Variants in AGPAT4 observed in about 807,000 individuals in gnomAD.
The protein encoded by AGPAT4 is 1-acyl-sn-glycerol-3-phosphate acyltransferase delta.
Under a neutral mutation model 48.0 loss-of-function variants are expected in AGPAT4, and 15 were observed. The ratio of observed to expected loss-of-function variants is 0.31; its 90% confidence interval spans 0.21 to 0.48. The LOEUF is 0.48. AGPAT4 is among the 20% of genes least tolerant of loss of function. The probability of loss-of-function intolerance (pLI) is 0.99; values close to 1 mark genes in which losing one functional copy is unlikely to be tolerated. For missense variants in AGPAT4, 314 were observed against 482.5 expected (o/e 0.65, Z 3.27); for synonymous variants, 178 against 198.7 (o/e 0.90, Z 0.88).
At chr6:161,194,568 GTGTATGTGTGTATATATGTGTA>G (rs1273607544) in intron 2 of AGPAT4, among the ~76,000 whole-genome samples, 1 of 148,746 alleles carries the variant, frequency 6.7e-6, no homozygotes, top group African/African-American at 2.6e-5. Context: ...ATGTGTGTAT[GTGTATGTGTGTATATATGTGTA>G]TGTATGTATG....
rs1356822801 is a variant in AGPAT4, at chr6:161,147,045, TG to T, written c.768-447del. ...AGCCAAGTAACCAACTTACTGGTAA[TG>T]GCAGATTATCTCCCATCAAATGATT... On this transcript the variant is annotated intron_variant, in intron 6 of 8. Transcript: ENST00000320285. This position sits in a 1 kb window ranked among gnomAD's most constrained non-coding sequence, Gnocchi z 4.8. 6.6e-6 allele frequency among the ~76,000 whole-genome samples: 1 copy of T among 152,258 alleles called. No individual in the cohort carries two copies. The highest frequency in any genetic ancestry group is 1.5e-5 in the Non-Finnish European group (1 of 68,052).
At chr6:161,230,753 A>G (rs1205564617) in intron 2 of AGPAT4, among the ~76,000 whole-genome samples, 1 of 152,250 alleles carries the variant, frequency 6.6e-6, no homozygotes, top group African/African-American at 2.4e-5. Flanking sequence ...CAAATAGACT[A>G]AAGTTGCTGT....
In AGPAT4 at chr6:161,233,876, C is replaced by A. The variant is rs553946801; in HGVS notation, c.-89-1574G>T. Among the ~76,000 whole-genome samples the A allele has an allele frequency of 1.6e-3, 244 of 152,316 alleles. No individual in the cohort carries two copies. The highest frequency in any genetic ancestry group is 5.6e-3 in the African/African-American group (232 of 41,560). On this transcript the variant is annotated intron_variant, in intron 1 of 8. Coordinates refer to ENST00000320285, the MANE Select transcript of AGPAT4 (RefSeq NM_020133.3). This position sits in a 1 kb window ranked among gnomAD's most constrained non-coding sequence, Gnocchi z 5.4. Reference sequence around the variant, plus strand: ...TCACACATGTGATCTCATTTTAAGGCTCCTATGAATCCCACAAGACGAGTA... The same window carrying A: ...TCACACATGTGATCTCATTTTAAGGATCCTATGAATCCCACAAGACGAGTA...
rs574427511 is a variant in AGPAT4 at position 161,178,303 on chromosome 6, C to T, written c.179-11886G>A. On this transcript the variant is annotated intron_variant, in intron 2 of 8. Coordinates refer to ENST00000320285, the MANE Select transcript of AGPAT4 (RefSeq NM_020133.3). This position sits in a 1 kb window ranked among gnomAD's most constrained non-coding sequence, Gnocchi z 5.1. ...CCACCCAATTCAAGCTTCCCAGCCA[C>T]TTTGTTTACCTACTCAAGCCTCAGC... Among the ~76,000 whole-genome samples, 101 of 152,344 alleles carry T rather than the reference C, an allele frequency of 6.6e-4. No individual in the cohort carries two copies. Among genetic ancestry groups the T allele is most frequent in the Middle Eastern group, 6.8e-3 (2 of 294 alleles).
At chr6:161,152,221 T>C (rs1779610497) in intron 5 of AGPAT4, among the ~76,000 whole-genome samples, 1 of 151,328 alleles carries the variant, frequency 6.6e-6, no homozygotes, top group South Asian at 2.1e-4. Context: ...AGAAGAGGGA[T>C]GAGGAAGCAA....
rs763484834 is a variant in AGPAT4, at chr6:161,214,917, C to T, written c.178+17119G>A. Among the ~76,000 whole-genome samples the T allele has an allele frequency of 2.0e-5, 3 of 152,158 alleles. No homozygotes were observed. The highest frequency in any genetic ancestry group is 2.9e-5 in the Non-Finnish European group (2 of 68,022). On this transcript the variant is annotated intron_variant, in intron 2 of 8. Coordinates refer to ENST00000320285, the MANE Select transcript of AGPAT4 (RefSeq NM_020133.3). This position sits in a 1 kb window ranked among gnomAD's most constrained non-coding sequence, Gnocchi z 5.4. ...CGTGACTATATTTCAAAACTATCTA[C>T]GTTGACCTCCAAACCTGTTCTGCTG...
intron 7 of AGPAT4, among the ~76,000 whole-genome samples, chr6:161,145,653 T>A (rs79213545): frequency 0.023 from 3,416 of 151,706 alleles, 79 homozygotes; most frequent in Non-Finnish European, 0.035. Flanking sequence ...AGGGTTAAAG[T>A]TCTTATTCAG....
chr6:161,186,013 C>A (rs1455067608), intron 2 of AGPAT4, among the ~76,000 whole-genome samples: 1 of 152,190 alleles, frequency 6.6e-6, no homozygotes, highest in African/African-American at 2.4e-5. Flanking sequence ...CCTTTGCTTA[C>A]TGCATGGAGT....
chr6:161,188,090 A>G (rs764102139), intron 2 of AGPAT4, among the ~76,000 whole-genome samples: 12 of 152,330 alleles, frequency 7.9e-5, no homozygotes, highest in African/African-American at 2.9e-4. Context: ...TATATAATAA[A>G]ATGCTATATA....
Position 161,251,841 on chromosome 6 carries a change from A to G in AGPAT4, c.-89-19539T>C, listed in dbSNP as rs1782813025. 6.6e-6 allele frequency among the ~76,000 whole-genome samples: 1 copy of G among 152,240 alleles called. No homozygotes were observed. The highest frequency in any genetic ancestry group is 2.1e-4 in the South Asian group (1 of 4,834). ...AGGAACAAAAGCAGAGAGGGGGAGC[A>G]GCCATTTAGATTCTTCTAAAGGGAT... On this transcript the variant is annotated intron_variant, in intron 1 of 8. Coordinates refer to ENST00000320285, the MANE Select transcript of AGPAT4 (RefSeq NM_020133.3). This position sits in a 1 kb window ranked among gnomAD's most constrained non-coding sequence, Gnocchi z 4.6.
intron 1 of AGPAT4, among the ~76,000 whole-genome samples, chr6:161,269,219 G>C (rs1275020250): frequency 6.6e-6 from 1 of 152,154 alleles, no homozygotes; most frequent in African/African-American, 2.4e-5. Flanking sequence ...CTTTCAGAAA[G>C]AGAATACACA....
chr6:161,139,407 T>G lies in AGPAT4; in HGVS notation c.1042+15A>C, dbSNP rs760643504. 25 of 1,612,960 alleles carry G rather than the reference T, an allele frequency of 1.5e-5. No homozygotes were observed. Among genetic ancestry groups the G allele is most frequent in the Non-Finnish European group, 2.0e-5 (23 of 1,179,364 alleles). On this transcript the variant is annotated intron_variant, in intron 8 of 8. Coordinates refer to ENST00000320285, the MANE Select transcript of AGPAT4 (RefSeq NM_020133.3). This position sits in a 1 kb window ranked among gnomAD's most constrained non-coding sequence, Gnocchi z 9.1. ...GGTGCTGTCAGCACCCACCAGCCCC[T>G]TGCCCTCCACTCACCCACAAAGAAG...
chr6:161,156,040 C>T (rs1779758183), intron 3 of AGPAT4, among the ~76,000 whole-genome samples: 1 of 152,212 alleles, frequency 6.6e-6, no homozygotes, highest in South Asian at 2.1e-4. Flanking sequence ...AGTGGTTGGC[C>T]TCTGATGACC....
chr6:161,233,793 C>T lies in AGPAT4; in HGVS notation c.-89-1491G>A, dbSNP rs1049187429. Among the ~76,000 whole-genome samples the T allele has an allele frequency of 1.3e-5, 2 of 152,160 alleles. No homozygotes were observed. The highest frequency in any genetic ancestry group is 6.5e-5 in the Admixed American group (1 of 15,276). On this transcript the variant is annotated intron_variant, in intron 1 of 8. Transcript: ENST00000320285. This position sits in a 1 kb window ranked among gnomAD's most constrained non-coding sequence, Gnocchi z 5.4. ...TTTTTGACCTACAGTATTTTCAATT[C>T]GCAATGGGTTTATCGGGATGTAATC...
At position 161,132,801 on chromosome 6, in the gene AGPAT4, G is replaced by C. The variant is rs1778943787; in HGVS notation, c.*3739C>G. On this transcript the variant is annotated 3_prime_UTR_variant, in exon 9 of 9. Coordinates refer to ENST00000320285, the MANE Select transcript of AGPAT4 (RefSeq NM_020133.3). ...GGGGACTACTCCACAGGACCTTGGA[G>C]AGTTGCATTTTGGGGGGCTCTCCTA... is the stretch of plus-strand genomic sequence containing the variant. The C allele has an allele frequency of 6.6e-6, 1 of 152,264 alleles. No homozygotes were observed. Among genetic ancestry groups the C allele is most frequent in the Admixed American group, 6.5e-5 (1 of 15,274 alleles). 9.4% of individuals were successfully genotyped at this position (152,264 alleles called of 1,614,324 possible). A position where few individuals can be genotyped will look rare whatever the true frequency, so the allele number is the denominator to read the frequency against.
At position 161,222,032 on chromosome 6, in the gene AGPAT4, T is replaced by C. The variant is rs1781849430; in HGVS notation, c.178+10004A>G. On this transcript the variant is annotated intron_variant, in intron 2 of 8. Coordinates refer to ENST00000320285, the MANE Select transcript of AGPAT4 (RefSeq NM_020133.3). This position sits in a 1 kb window ranked among gnomAD's most constrained non-coding sequence, Gnocchi z 5.9. ...TCCAGCTCTTTCCTCTCAGTTCCTT[T>C]CCACGAATGACTGCAATATTTGGGA... is the stretch of plus-strand genomic sequence containing the variant. Among the ~76,000 whole-genome samples, 1 of 152,212 alleles carries C rather than the reference T, an allele frequency of 6.6e-6. No homozygotes were observed. Among genetic ancestry groups the C allele is most frequent in the African/African-American group, 2.4e-5 (1 of 41,452 alleles).
chr6:161,262,634 A>G lies in AGPAT4; in HGVS notation c.-90+11304T>C, dbSNP rs1396797130. Reference sequence around the variant, plus strand: ...GGGCTGAGTTCTCCCCTTCTGACCCACTGCAAGCTCTACCCCACTTCTTCC... The same window carrying G: ...GGGCTGAGTTCTCCCCTTCTGACCCGCTGCAAGCTCTACCCCACTTCTTCC... On this transcript the variant is annotated intron_variant, in intron 1 of 8. Transcript: ENST00000320285. The surrounding 1 kb of genome is among the most constrained non-coding windows in gnomAD (Gnocchi z 4.9). Among the ~76,000 whole-genome samples the G allele has an allele frequency of 6.6e-6, 1 of 152,138 alleles. No homozygotes were observed. Among genetic ancestry groups the G allele is most frequent in the Non-Finnish European group, 1.5e-5 (1 of 68,018 alleles).
In AGPAT4 at chr6:161,212,139, T is replaced by C. The variant is rs1781537183; in HGVS notation, c.178+19897A>G. Among the ~76,000 whole-genome samples, 2 of 152,218 alleles carry C rather than the reference T, an allele frequency of 1.3e-5. No individual in the cohort carries two copies. Among genetic ancestry groups the C allele is most frequent in the South Asian group, 2.1e-4 (1 of 4,828 alleles). On this transcript the variant is annotated intron_variant, in intron 2 of 8. Transcript: ENST00000320285. The surrounding 1 kb of genome is among the most constrained non-coding windows in gnomAD (Gnocchi z 6.1). ...GACTCCTCAGTAAATGTTATAAAGG[T>C]TATAAAAGGCTTATGGAAGCTGTAT... is the stretch of plus-strand genomic sequence containing the variant.
In AGPAT4 at chr6:161,184,655, C is replaced by G. The variant is rs1240819820; in HGVS notation, c.179-18238G>C. 2.6e-5 allele frequency among the ~76,000 whole-genome samples: 4 copies of G among 152,094 alleles called. No homozygotes were observed. Among genetic ancestry groups the G allele is most frequent in the Non-Finnish European group, 5.9e-5 (4 of 68,018 alleles). Reference sequence around the variant, plus strand: ...GTCCACCTCTGTTCCTCTCCTACACCTAGTGGCACGTCTCCTCACAGCCCA... The same window carrying G: ...GTCCACCTCTGTTCCTCTCCTACACGTAGTGGCACGTCTCCTCACAGCCCA... On this transcript the variant is annotated intron_variant, in intron 2 of 8. Coordinates refer to ENST00000320285, the MANE Select transcript of AGPAT4 (RefSeq NM_020133.3). The surrounding 1 kb of genome is among the most constrained non-coding windows in gnomAD (Gnocchi z 4.8).
Sources: allele counts gnomAD v4.1 joint callset (sites outside exome capture counted in the v4.1 genomes callset), GRCh38; gene constraint gnomAD v4.1.1; non-coding constraint Gnocchi (gnomAD v3.1); transcripts MANE v1.5; gene names NCBI Gene and HGNC (gene_info 2026-07-23, HGNC 2026-07-21).